Variants in FNDC3B observed in about 807,000 individuals in gnomAD.
FNDC3B encodes the protein fibronectin type III domain-containing protein 3B.
FNDC3B carries 12 observed loss-of-function variants against 151.5 expected under a neutral mutation model. The observed-to-expected ratio is 0.08, with a 90% confidence interval of 0.05 to 0.13. FNDC3B has a LOEUF of 0.13. Among genes scored for constraint, FNDC3B ranks in the 10% least tolerant of loss-of-function variants. The pLI is 1.00. For synonymous variants in FNDC3B, 528 were observed against 549.0 expected, an observed-to-expected ratio of 0.96 and a Z score of 0.54; for missense variants, 1,214 against 1,505.3, an observed-to-expected ratio of 0.81 and a Z score of 3.20.
In FNDC3B at chr3:172,185,781, C is replaced by T. The variant is rs1484315913; in HGVS notation, c.188-41090C>T. ...TAGATTACAAAGAAAAATAATTTGA[C>T]GTATTTGCGGTGCTTTTTAATTATG... On this transcript the variant is annotated intron_variant, in intron 3 of 25. Coordinates refer to ENST00000415807, the MANE Select transcript of FNDC3B (RefSeq NM_022763.4). 2.6e-5 allele frequency among the ~76,000 whole-genome samples: 4 copies of T among 152,112 alleles called. No homozygotes were observed. The East Asian group carries it at 5.8e-4, about 22-fold the overall frequency.
intron 22 of FNDC3B, among the ~76,000 whole-genome samples, chr3:172,357,235 C>T (rs1161255893): frequency 2.6e-5 from 4 of 152,148 alleles, no homozygotes; most frequent in Non-Finnish European, 5.9e-5. Flanking sequence ...AGATTTTTCA[C>T]ATCAGCCTAG....
At position 172,128,016 on chromosome 3, in the gene FNDC3B, G is replaced by A. The variant is rs150985466; in HGVS notation, c.112-5455G>A. ...AGAAAACAGTATTAAAACTTTTGGA[G>A]TAGTGGATATTCTTGCTCCTTATTT... On this transcript the variant is annotated intron_variant, in intron 2 of 25. Transcript: ENST00000415807. Among the ~76,000 whole-genome samples, 371 of 152,324 alleles carry A rather than the reference G, an allele frequency of 2.4e-3. 3 individuals carry two copies. The highest frequency in any genetic ancestry group is 8.5e-3 in the African/African-American group (353 of 41,576).
intron 1 of FNDC3B, among the ~76,000 whole-genome samples, chr3:172,051,437 G>T (rs932601864): frequency 5.3e-5 from 8 of 152,160 alleles, no homozygotes; most frequent in African/African-American, 1.9e-4. Context: ...TTTTAATCGT[G>T]GGTACACAGT....
At position 172,397,255 on chromosome 3, in the gene FNDC3B, T is replaced by C; in HGVS notation, c.3395T>C (p.Leu1132Ser). The change falls in exon 26 of 26, where the codon TTA becomes TCA. Residue 1132 changes from leucine to serine, a missense_variant. By Grantham distance (145) the Leu-to-Ser change is moderately radical. Transcript: ENST00000415807. ...RFRVCACRRC[L>S]DTSQELSGAF... The stretch of plus-strand genomic sequence containing the variant: ...CGCGTATGTGCGTGTCGTCGCTGTT[T>C]AGACACCTCTCAGGAGCTAAGCGGA... The C allele has an allele frequency of 6.2e-7, 1 of 1,614,222 alleles. No homozygotes were observed. Among genetic ancestry groups the C allele is most frequent in the Non-Finnish European group, 8.5e-7 (1 of 1,180,034 alleles).
At chr3:172,056,797 G>A (rs776269694) in intron 1 of FNDC3B, among the ~76,000 whole-genome samples, 3 of 152,194 alleles carry the variant, frequency 2.0e-5, no homozygotes, top group Admixed American at 1.3e-4. Flanking sequence ...CTTTAAAAGC[G>A]TATGTGAATA....
chr3:172,266,154 A>G (rs557525995), intron 6 of FNDC3B, among the ~76,000 whole-genome samples: 3 of 152,142 alleles, frequency 2.0e-5, no homozygotes, highest in Admixed American at 6.5e-5. Flanking sequence ...TTTGTAATAA[A>G]CTCTAGCACA....
At chr3:172,312,922 A>G (rs894300473) in intron 11 of FNDC3B, among the ~76,000 whole-genome samples, 3 of 152,202 alleles carry the variant, frequency 2.0e-5, no homozygotes, top group Non-Finnish European at 4.4e-5. Flanking sequence ...AGGACAGGCC[A>G]CGTCTGATGA....
intron 3 of FNDC3B, among the ~76,000 whole-genome samples, chr3:172,182,102 A>G (rs974457032): frequency 2.0e-5 from 3 of 152,106 alleles, no homozygotes; most frequent in African/African-American, 7.2e-5. Context: ...ATCAGCATTG[A>G]GTTGTTTTTG....
intron 6 of FNDC3B, among the ~76,000 whole-genome samples, chr3:172,255,900 A>T (rs1728313574): frequency 6.6e-6 from 1 of 152,124 alleles, no homozygotes; most frequent in Non-Finnish European, 1.5e-5. Context: ...GTGTCTCCTC[A>T]TACGTTTCTT....
intron 1 of FNDC3B, among the ~76,000 whole-genome samples, chr3:172,100,644 TTTGTTTG>T (rs1488665934): frequency 2.0e-5 from 3 of 152,228 alleles, no homozygotes; most frequent in African/African-American, 7.2e-5. Flanking sequence ...TGCTAATTTG[TTTGTTTG>T]TTAACTGTTG....
intron 3 of FNDC3B, among the ~76,000 whole-genome samples, chr3:172,209,965 A>G (rs1380483242): frequency 2.0e-5 from 3 of 152,252 alleles, no homozygotes; most frequent in Non-Finnish European, 4.4e-5. Context: ...GGCTCGCAAC[A>G]GTGCCCAGGC....
intron 16 of FNDC3B, among the ~76,000 whole-genome samples, chr3:172,339,839 G>GT (rs1307386464): frequency 1.3e-5 from 2 of 152,078 alleles, no homozygotes; most frequent in African/African-American, 4.8e-5. Flanking sequence ...TTCAGTACAG[G>GT]TTTTTTTGAC....
chr3:172,107,954 G>A (rs1415917840), intron 1 of FNDC3B, among the ~76,000 whole-genome samples: 2 of 152,128 alleles, frequency 1.3e-5, no homozygotes, highest in African/African-American at 4.8e-5. Context: ...CGGATCACAA[G>A]GTCAGGAGTT....
chr3:172,224,597 C>G (rs184364819), intron 3 of FNDC3B, among the ~76,000 whole-genome samples: 1 of 152,278 alleles, frequency 6.6e-6, no homozygotes, highest in African/African-American at 2.4e-5. Flanking sequence ...GTCCCTTTCC[C>G]CCTGCTGAGT....
chr3:172,330,340 G>A (rs1732579630), intron 12 of FNDC3B: 1 of 496,116 alleles, frequency 2.0e-6, no homozygotes, highest in African/African-American at 2.0e-5. Flanking sequence ...TGGTGTGTGT[G>A]TCTAGTAGAA....
intron 6 of FNDC3B, among the ~76,000 whole-genome samples, chr3:172,263,685 A>G (rs1418000695): frequency 2.1e-5 from 3 of 143,972 alleles, no homozygotes; most frequent in Non-Finnish European, 4.5e-5. Context: ...ATGTACTTGT[A>G]GACAGTTTTC....
At chr3:172,341,035 G>C in intron 16 of FNDC3B, 78 bp from the exon 17 acceptor site, 1 of 927,524 alleles carries the variant, frequency 1.1e-6, no homozygotes, top group South Asian at 1.3e-5. Context: ...AAAACATAGA[G>C]CTTTTTCTTG....
At chr3:172,107,462 C>T (rs1057380283) in intron 1 of FNDC3B, among the ~76,000 whole-genome samples, 14 of 151,966 alleles carry the variant, frequency 9.2e-5, no homozygotes, top group Non-Finnish European at 1.6e-4. Flanking sequence ...ATCACATCTC[C>T]GTGGTGTGTT....
Position 172,333,135 on chromosome 3 carries a change from C to T in FNDC3B, c.1601C>T (p.Thr534Ile), listed in dbSNP as rs1445463472. Residue 534 changes from threonine to isoleucine, a missense_variant, in exon 14 of 26, where the codon ACT becomes ATT. This residue lies in a region of FNDC3B where 111 missense variants were observed against 96.8 expected (regional missense o/e 1.15). Transcript: ENST00000415807. ...TACACTGGAGAGGATTTAACCTGTA[C>T]TGTGAAAAATCTCAAAAGAAGCACA... ...PKYTGEDLTC[T>I]VKNLKRSTQY... 6.2e-7 allele frequency: 1 copy of T among 1,613,286 alleles called. No homozygotes were observed. Among genetic ancestry groups the T allele is most frequent in the Admixed American group, 1.7e-5 (1 of 60,020 alleles).
Sources: allele counts gnomAD v4.1 joint callset (sites outside exome capture counted in the v4.1 genomes callset), GRCh38; gene constraint gnomAD v4.1.1; regional missense constraint gnomAD v4.1.1; transcripts MANE v1.5; gene names NCBI Gene and HGNC (gene_info 2026-07-23, HGNC 2026-07-21).